CORO2B: variants seen among roughly 807,000 people sequenced by gnomAD.
CORO2B encodes the protein coronin 2B.
A neutral mutation model predicts 58.8 loss-of-function variants in CORO2B; 26 were observed. That is an observed-to-expected ratio of 0.44 (90% CI 0.32 to 0.61). The LOEUF (loss-of-function observed/expected upper bound fraction) is 0.61, where lower values mean the gene tolerates loss of function less well. Ranked by LOEUF, CORO2B falls within the 20% of genes least tolerant of loss-of-function variation. The probability of loss-of-function intolerance (pLI) is 0.04; values close to 1 mark genes in which losing one functional copy is unlikely to be tolerated. For synonymous variants in CORO2B, 242 were observed against 253.8 expected, an observed-to-expected ratio of 0.95 and a Z score of 0.44; for missense variants, 460 against 645.1, an observed-to-expected ratio of 0.71 and a Z score of 3.11.
At position 68,641,216 on chromosome 15, in the gene CORO2B, G is replaced by C. The variant is rs140712057; in HGVS notation, c.16-3944G>C. On this transcript the variant is annotated intron_variant, in intron 1 of 11. Transcript: ENST00000261861. Reference sequence around the variant, plus strand: ...CTAGGGCCTGCCCAGGCCCATCCCCGGGGAACACGCTGAGTGGGAGAACAT... The same window carrying C: ...CTAGGGCCTGCCCAGGCCCATCCCCCGGGAACACGCTGAGTGGGAGAACAT... 1.4e-4 allele frequency among the ~76,000 whole-genome samples: 21 copies of C among 152,290 alleles called. No individual in the cohort carries two copies. The East Asian group carries it at 3.9e-3, about 28-fold the overall frequency.
chr15:68,604,731 G>A (rs945015479), intron 1 of CORO2B, among the ~76,000 whole-genome samples: 1 of 152,124 alleles, frequency 6.6e-6, no homozygotes, highest in Non-Finnish European at 1.5e-5. Context: ...GATTATGGGT[G>A]CGTTTGTTTA....
chr15:68,617,291 CTT>C (rs1479970189), intron 1 of CORO2B, among the ~76,000 whole-genome samples: 5 of 152,248 alleles, frequency 3.3e-5, no homozygotes, highest in Non-Finnish European at 5.9e-5. Context: ...CCTGTGGCCT[CTT>C]GTCTCTGCAG....
intron 1 of CORO2B, among the ~76,000 whole-genome samples, chr15:68,600,312 T>A (rs1457385402): frequency 6.6e-6 from 1 of 152,164 alleles, no homozygotes; most frequent in East Asian, 1.9e-4. Flanking sequence ...TCCTCAATGT[T>A]TGCATCTTTC....
intron 1 of CORO2B, among the ~76,000 whole-genome samples, chr15:68,602,008 C>CTT (rs566789911): frequency 7.5e-5 from 10 of 133,328 alleles, no homozygotes; most frequent in African/African-American, 1.9e-4. Context: ...GATGGGAAGG[C>CTT]TTTTTTTTTT....
chr15:68,564,873 A>G, the CORO2B span, among the ~76,000 whole-genome samples: 8 of 152,202 alleles, frequency 5.3e-5, no homozygotes, highest in Non-Finnish European at 4.4e-5. Flanking sequence ...ATTTTATTAG[A>G]AATTTTTGGC....
the CORO2B span, among the ~76,000 whole-genome samples, chr15:68,572,937 G>A: frequency 6.6e-6 from 1 of 152,138 alleles, no homozygotes; most frequent in African/African-American, 2.4e-5. Context: ...CAGGTCTGCG[G>A]CTCCTTCTCC....
intron 11 of CORO2B, among the ~76,000 whole-genome samples, chr15:68,721,435 G>A (rs932198754): frequency 7.2e-5 from 11 of 152,164 alleles, no homozygotes; most frequent in African/African-American, 1.9e-4. Flanking sequence ...GCTGGGCGCC[G>A]TAGCTCATGC....
chr15:68,569,687 T>C, the CORO2B span, among the ~76,000 whole-genome samples: 1 of 152,210 alleles, frequency 6.6e-6, no homozygotes, highest in African/African-American at 2.4e-5. Flanking sequence ...ATGGTAAGAA[T>C]AGGTTTCGTT....
intron 1 of CORO2B, among the ~76,000 whole-genome samples, chr15:68,639,400 A>G (rs1431083397): frequency 6.6e-6 from 1 of 152,238 alleles, no homozygotes; most frequent in Non-Finnish European, 1.5e-5. Flanking sequence ...CAAAAGCATT[A>G]ATCAGCTCTG....
intron 1 of CORO2B, among the ~76,000 whole-genome samples, chr15:68,605,735 T>G (rs1900100163): frequency 7.0e-6 from 1 of 142,590 alleles, no homozygotes; most frequent in African/African-American, 2.6e-5. Context: ...TTTTTTTTTT[T>G]TTTTTGAGAT....
At chr15:68,592,886 G>A (rs965019789) in intron 1 of CORO2B, among the ~76,000 whole-genome samples, 1 of 152,242 alleles carries the variant, frequency 6.6e-6, no homozygotes, top group Non-Finnish European at 1.5e-5. Flanking sequence ...CCTGTTTCCA[G>A]CTTCATGTAT....
chr15:68,605,635 G>A (rs1900092147), intron 1 of CORO2B, among the ~76,000 whole-genome samples: 1 of 150,840 alleles, frequency 6.6e-6, no homozygotes, highest in African/African-American at 2.4e-5. Flanking sequence ...AAGTACAGAT[G>A]CTTCAAGACT....
At chr15:68,548,189 A>ATATATGTG in the CORO2B span, among the ~76,000 whole-genome samples, 1,294 of 145,094 alleles carry the variant, frequency 8.9e-3, 18 homozygotes, top group African/African-American at 0.029. Flanking sequence ...ATATATATAT[A>ATATATGTG]TGTGTGTGTG....
intron 1 of CORO2B, among the ~76,000 whole-genome samples, chr15:68,589,378 C>T (rs1302970784): frequency 1.3e-5 from 2 of 152,206 alleles, no homozygotes; most frequent in Non-Finnish European, 2.9e-5. Flanking sequence ...GTGGATTTTT[C>T]GAATACCAGG....
At chr15:68,696,124 C>A (rs541880190) in intron 3 of CORO2B, among the ~76,000 whole-genome samples, 1 of 151,786 alleles carries the variant, frequency 6.6e-6, no homozygotes, top group East Asian at 1.9e-4. Context: ...GTGGTGCACA[C>A]CTGTAGTCCC....
the CORO2B span, among the ~76,000 whole-genome samples, chr15:68,560,861 G>T: frequency 6.6e-6 from 1 of 152,236 alleles, no homozygotes; most frequent in Non-Finnish European, 1.5e-5. Flanking sequence ...GGGGACCAGA[G>T]GAAGCAGAAC....
chr15:68,707,867 C>A (rs998621349), intron 3 of CORO2B, among the ~76,000 whole-genome samples: 1 of 152,108 alleles, frequency 6.6e-6, no homozygotes, highest in Non-Finnish European at 1.5e-5. Context: ...CATCCCTGAA[C>A]GCCCTGGTGC....
At chr15:68,541,082 G>T in the CORO2B span, among the ~76,000 whole-genome samples, 1 of 152,010 alleles carries the variant, frequency 6.6e-6, no homozygotes, top group Non-Finnish European at 1.5e-5. Context: ...ATATTAAAAA[G>T]TTAGCCAGGT....
At chr15:68,541,807 G>T in the CORO2B span, among the ~76,000 whole-genome samples, 5 of 152,190 alleles carry the variant, frequency 3.3e-5, no homozygotes, top group Non-Finnish European at 7.3e-5. Flanking sequence ...ATCAAACTCT[G>T]CTAAATGCCT....
Sources: allele counts gnomAD v4.1 joint callset (sites outside exome capture counted in the v4.1 genomes callset), GRCh38; gene constraint gnomAD v4.1.1; transcripts MANE v1.5; gene names NCBI Gene and HGNC (gene_info 2026-07-23, HGNC 2026-07-21).